The following MGAT4A variants were observed in gnomAD, a reference collection of about 807,000 sequenced individuals.
MGAT4A encodes the protein alpha-1,3-mannosyl-glycoprotein 4-beta-N-acetylglucosaminyltransferase A.
Under a neutral mutation model 74.1 loss-of-function variants are expected in MGAT4A, and 33 were observed. That is an observed-to-expected ratio of 0.45 (90% CI 0.34 to 0.60). The LOEUF (loss-of-function observed/expected upper bound fraction) is 0.60, where lower values mean the gene tolerates loss of function less well. Ranked by LOEUF, MGAT4A falls within the 20% of genes least tolerant of loss-of-function variation. The pLI is 0.02. For missense variants in MGAT4A, 479 were observed against 628.3 expected (o/e 0.76, Z 2.54); for synonymous variants, 198 against 210.4 (o/e 0.94, Z 0.51).
At chr2:98,632,110 C>CAATAAATA (rs200108760) in intron 14 of MGAT4A, among the ~76,000 whole-genome samples, 1,669 of 149,838 alleles carry the variant, frequency 0.011, 34 homozygotes, top group African/African-American at 0.035. Flanking sequence ...ACTCTGTCTC[C>CAATAAATA]AATAAATAAA....
At chr2:98,665,126 G>A (rs933241300) in intron 4 of MGAT4A, among the ~76,000 whole-genome samples, 43 of 151,852 alleles carry the variant, frequency 2.8e-4, no homozygotes, top group Non-Finnish European at 1.6e-4. Flanking sequence ...TCAGGAGATC[G>A]AGACCATCCT....
At chr2:98,726,911 C>T (rs1162160966) in intron 1 of MGAT4A, 5 of 152,160 alleles carry the variant, frequency 3.3e-5, no homozygotes, top group Non-Finnish European at 5.9e-5. Flanking sequence ...ACATAATCTT[C>T]ACTCTCTCCA....
chr2:98,726,562 C>G lies in MGAT4A; in HGVS notation c.-230G>C, dbSNP rs1702766527. 2.4e-6 allele frequency: 1 copy of G among 416,156 alleles called. No individual in the cohort carries two copies. The highest frequency in any genetic ancestry group is 1.1e-4 in the South Asian group (1 of 9,512). The allele number at this position is 416,156 out of a possible 1,614,324, so 25.8% of individuals were successfully genotyped here. A position where few individuals can be genotyped will look rare whatever the true frequency, so the allele number is the denominator to read the frequency against. The stretch of plus-strand genomic sequence containing the variant: ...TCACACGCTGATGCCTCGGCCTTTT[C>G]CCTTCCTATTCAGGGGAAAAGAGAA... On this transcript the variant is annotated 5_prime_UTR_variant, in exon 2 of 16. Transcript: ENST00000393487.
At chr2:98,658,333 C>A in intron 5 of MGAT4A, 69 bp from the exon 6 acceptor site, 4 of 810,560 alleles carry the variant, frequency 4.9e-6, no homozygotes, top group African/African-American at 1.8e-5. Context: ...ATACTGAACT[C>A]GAAATTAAAT....
At chr2:98,684,477 T>C (rs1010412543) in intron 2 of MGAT4A, among the ~76,000 whole-genome samples, 6 of 152,246 alleles carry the variant, frequency 3.9e-5, no homozygotes, top group African/African-American at 1.4e-4. Context: ...AAATTGTGTT[T>C]TGTGAACCTA....
At chr2:98,713,458 A>G (rs544209812) in intron 2 of MGAT4A, among the ~76,000 whole-genome samples, 1 of 151,636 alleles carries the variant, frequency 6.6e-6, no homozygotes, top group Admixed American at 6.6e-5. Context: ...CTTAAAAAAA[A>G]AAAAAAACAA....
chr2:98,730,537 C>A (rs1268079457), intron 1 of MGAT4A, among the ~76,000 whole-genome samples: 1 of 152,174 alleles, frequency 6.6e-6, no homozygotes, highest in Non-Finnish European at 1.5e-5. Flanking sequence ...TCGGACCGTC[C>A]GGCCCCGCCC....
At chr2:98,665,201 C>T (rs1256394017) in intron 4 of MGAT4A, among the ~76,000 whole-genome samples, 5 of 151,690 alleles carry the variant, frequency 3.3e-5, no homozygotes, top group African/African-American at 7.3e-5. Context: ...TGGTAGCGGG[C>T]GCCTGTAGTC....
At chr2:98,691,007 C>A (rs1032112377) in intron 2 of MGAT4A, among the ~76,000 whole-genome samples, 1 of 152,004 alleles carries the variant, frequency 6.6e-6, no homozygotes, top group East Asian at 1.9e-4. Context: ...AACAAAAGAT[C>A]TGAGATCTAA....
At chr2:98,703,854 C>A (rs1702385114) in intron 2 of MGAT4A, among the ~76,000 whole-genome samples, 1 of 152,164 alleles carries the variant, frequency 6.6e-6, no homozygotes, top group African/African-American at 2.4e-5. Context: ...TCTCTGGCTT[C>A]TTATTATTTA....
At position 98,621,735 on chromosome 2, in the gene MGAT4A, T is replaced by C; in HGVS notation, c.*3831A>G. ...TCTCTCCAAACGTGCTGTTTCCACA[T>C]AACCAGTCTTTTCTTTGAGGGACAG... On this transcript the variant is annotated 3_prime_UTR_variant, in exon 16 of 16. Coordinates refer to ENST00000393487, the MANE Select transcript of MGAT4A (RefSeq NM_012214.3). 8.1e-7 allele frequency: 1 copy of C among 1,233,306 alleles called. No homozygotes were observed. Among genetic ancestry groups the C allele is most frequent in the Middle Eastern group, 2.7e-4 (1 of 3,680 alleles). 76.4% of individuals were successfully genotyped at this position (1,233,306 alleles called of 1,614,324 possible).
chr2:98,625,101 T>A lies in MGAT4A; in HGVS notation c.*465A>T. ...CTACTGCACAAAAATATGTACTTCT[T>A]AAGTGTTTCTAATAAATTAATTCCA... On this transcript the variant is annotated 3_prime_UTR_variant, in exon 16 of 16. Transcript: ENST00000393487. 1.1e-6 allele frequency: 1 copy of A among 906,234 alleles called. No homozygotes were observed. Among genetic ancestry groups the A allele is most frequent in the Non-Finnish European group, 1.3e-6 (1 of 757,276 alleles). The allele number at this position is 906,234 out of a possible 1,614,324, so 56.1% of individuals were successfully genotyped here.
chr2:98,673,395 T>C (rs921657840), intron 4 of MGAT4A, among the ~76,000 whole-genome samples: 1 of 152,154 alleles, frequency 6.6e-6, no homozygotes, highest in Non-Finnish European at 1.5e-5. Flanking sequence ...CTATGGGCAT[T>C]TTCCAAAGTA....
At chr2:98,648,605 G>C (rs917859765) in intron 8 of MGAT4A, among the ~76,000 whole-genome samples, 2 of 151,798 alleles carry the variant, frequency 1.3e-5, no homozygotes, top group Non-Finnish European at 2.9e-5. Flanking sequence ...TGTGGCCCCA[G>C]CCGCACAGGA....
At chr2:98,637,379 C>T (rs915481684) in intron 12 of MGAT4A, among the ~76,000 whole-genome samples, 2 of 151,544 alleles carry the variant, frequency 1.3e-5, no homozygotes, top group Non-Finnish European at 2.9e-5. Context: ...CTAGTTCTAT[C>T]CAATACAAAT....
rs747625351 is a variant in MGAT4A at position 98,678,447 on chromosome 2, T to G, written c.119A>C (p.Glu40Ala). 6.3e-7 allele frequency: 1 copy of G among 1,578,154 alleles called. No homozygotes were observed. Among genetic ancestry groups the G allele is most frequent in the South Asian group, 1.2e-5 (1 of 85,710 alleles). Residue 40 changes from glutamate to alanine, a missense_variant, in exon 3 of 16, where the codon GAA becomes GCA. This residue lies in a region of MGAT4A where 205 missense variants were observed against 232.7 expected (regional missense o/e 0.88). Coordinates refer to ENST00000393487, the MANE Select transcript of MGAT4A (RefSeq NM_012214.3). Reference sequence around the variant, plus strand: ...AAGACGTTCTTTCAAAGCAAGGAATTCTCGTTGATAAGCAATCAGTTTTTC... The same window carrying G: ...AAGACGTTCTTTCAAAGCAAGGAATGCTCGTTGATAAGCAATCAGTTTTTC... ...GKEKLIAYQR[E>A]FLALKERLRI...
intron 2 of MGAT4A, among the ~76,000 whole-genome samples, chr2:98,702,735 T>G (rs1165172817): frequency 6.6e-6 from 1 of 152,202 alleles, no homozygotes; most frequent in East Asian, 1.9e-4. Flanking sequence ...CTGAACACTA[T>G]GCTATGCAGA....
intron 2 of MGAT4A, among the ~76,000 whole-genome samples, chr2:98,681,977 C>T (rs989130721): frequency 1.2e-4 from 18 of 151,996 alleles, no homozygotes; most frequent in African/African-American, 4.4e-4. Context: ...AAATAAATAT[C>T]GATGGTAATG....
At chr2:98,686,588 C>A (rs1471257217) in intron 2 of MGAT4A, among the ~76,000 whole-genome samples, 1 of 151,774 alleles carries the variant, frequency 6.6e-6, no homozygotes, top group Non-Finnish European at 1.5e-5. Context: ...GCTCTGCCAC[C>A]CAGGCTGGAG....
Sources: allele counts gnomAD v4.1 joint callset (sites outside exome capture counted in the v4.1 genomes callset), GRCh38; gene constraint gnomAD v4.1.1; regional missense constraint gnomAD v4.1.1; transcripts MANE v1.5; gene names NCBI Gene and HGNC (gene_info 2026-07-23, HGNC 2026-07-21).